The following AFAP1 variants were observed in gnomAD, a reference collection of about 807,000 sequenced individuals.
AFAP1 encodes actin filament-associated protein 1.
AFAP1 carries 75 observed loss-of-function variants against 93.9 expected under a neutral mutation model. The observed-to-expected ratio is 0.80, with a 90% confidence interval of 0.66 to 0.97. The LOEUF is 0.97. Ranked by LOEUF, AFAP1 falls within the 50% of genes least tolerant of loss-of-function variation. AFAP1 has a pLI of 0.00. For synonymous variants in AFAP1, 517 were observed against 430.7 expected (o/e 1.20, Z -2.48); for missense variants, 1,201 against 1,050.8 (o/e 1.14, Z -1.98).
At chr4:7,925,086 G>A (rs1191484709) in intron 1 of AFAP1, among the ~76,000 whole-genome samples, 3 of 151,964 alleles carry the variant, frequency 2.0e-5, no homozygotes, top group Non-Finnish European at 2.9e-5. Flanking sequence ...TGCAAGTGAC[G>A]ACACCGACTC....
intron 1 of AFAP1, among the ~76,000 whole-genome samples, chr4:7,888,133 A>G (rs558763324): frequency 6.6e-6 from 1 of 152,382 alleles, no homozygotes; most frequent in Admixed American, 6.5e-5. Context: ...AGCCCCATAA[A>G]GAACAATTAT....
In AFAP1 at chr4:7,838,653, T is replaced by C. The variant is rs1403234869; in HGVS notation, c.597A>G (p.Gln199=). 6.2e-7 allele frequency: 1 copy of C among 1,614,174 alleles called. No individual in the cohort carries two copies. Among genetic ancestry groups the C allele is most frequent in the Admixed American group, 1.7e-5 (1 of 60,028 alleles). ...TCGGGATGTACGTAATGTTACAGCC[T>C]TGGAGTGGCAGTTCCATCTGAGGCT... The part of the protein sequence containing the change: ...DQQPQMELPL[Q]GCNITYIPKD... The change falls in exon 6 of 18, where the codon CAA becomes CAG. Residue 199 remains glutamine, a synonymous_variant. Transcript: ENST00000420658.
intron 10 of AFAP1, among the ~76,000 whole-genome samples, chr4:7,797,547 T>A (rs6812932): frequency 0.23 from 34,669 of 152,152 alleles, 5,097 homozygotes; most frequent in East Asian, 0.76. Context: ...CTGGGAGCCT[T>A]CTACAGAAAA....
intron 11 of AFAP1, among the ~76,000 whole-genome samples, chr4:7,792,843 C>A (rs1236524545): frequency 3.3e-5 from 5 of 152,202 alleles, no homozygotes; most frequent in Non-Finnish European, 7.3e-5. Flanking sequence ...CCAGCATTTT[C>A]TTTTACTATC....
intron 6 of AFAP1, among the ~76,000 whole-genome samples, chr4:7,820,975 G>T (rs1224276834): frequency 6.6e-6 from 1 of 152,050 alleles, no homozygotes; most frequent in Non-Finnish European, 1.5e-5. Flanking sequence ...AAAATTAGCC[G>T]GGTGTGGTGG....
At chr4:7,834,913 C>G (rs1187718025) in intron 6 of AFAP1, among the ~76,000 whole-genome samples, 1 of 151,080 alleles carries the variant, frequency 6.6e-6, no homozygotes. Context: ...GGACTGCGGG[C>G]AGCCTTAAGG....
At chr4:7,938,179 T>G (rs896149606) in intron 1 of AFAP1, among the ~76,000 whole-genome samples, 1 of 151,672 alleles carries the variant, frequency 6.6e-6, no homozygotes, top group African/African-American at 2.4e-5. Flanking sequence ...AGTGGGGGTC[T>G]GGGGCAGCGG....
chr4:7,782,076 G>A (rs1716828496), intron 12 of AFAP1, among the ~76,000 whole-genome samples: 1 of 152,202 alleles, frequency 6.6e-6, no homozygotes, highest in South Asian at 2.1e-4. Flanking sequence ...GGTGCTCTGG[G>A]TCTACATAAA....
intron 1 of AFAP1, among the ~76,000 whole-genome samples, chr4:7,912,323 T>G (rs1719781616): frequency 6.6e-6 from 1 of 152,198 alleles, no homozygotes; most frequent in Admixed American, 6.5e-5. Flanking sequence ...TGCCCATGAA[T>G]GTGAGTGCTG....
intron 1 of AFAP1, among the ~76,000 whole-genome samples, chr4:7,880,491 G>C (rs984422083): frequency 1.3e-5 from 2 of 152,074 alleles, no homozygotes; most frequent in Admixed American, 6.6e-5. Flanking sequence ...TGTTGGTCAG[G>C]CTGGTCTGGA....
intron 12 of AFAP1, among the ~76,000 whole-genome samples, chr4:7,783,839 C>T (rs1172372246): frequency 6.6e-6 from 1 of 152,146 alleles, no homozygotes; most frequent in African/African-American, 2.4e-5. Flanking sequence ...TGGAGAAACG[C>T]CTTTGAGGAA....
At chr4:7,830,974 T>TA (rs1711542824) in intron 6 of AFAP1, among the ~76,000 whole-genome samples, 1 of 152,080 alleles carries the variant, frequency 6.6e-6, no homozygotes. Context: ...GAGAGAGACT[T>TA]AAATAGGGGA....
At chr4:7,789,202 G>T (rs1717597507) in intron 11 of AFAP1, among the ~76,000 whole-genome samples, 1 of 152,156 alleles carries the variant, frequency 6.6e-6, no homozygotes, top group Non-Finnish European at 1.5e-5. Context: ...TCGGTCTTGT[G>T]CTTGGTGTCT....
chr4:7,881,525 G>A lies in AFAP1; in HGVS notation c.-2-9445C>T, dbSNP rs187031482. 9.9e-5 allele frequency among the ~76,000 whole-genome samples: 15 copies of A among 152,264 alleles called. No homozygotes were observed. In the East Asian group the frequency reaches 2.5e-3, roughly 25 times the overall value. ...GGGCCAGGCGCGGTGGCTCCCACCT[G>A]TAATCCCAACACTTTGGGAGGCCAA... is the stretch of plus-strand genomic sequence containing the variant. On this transcript the variant is annotated intron_variant, in intron 1 of 17. Transcript: ENST00000420658.
chr4:7,877,928 A>G (rs1717608128), intron 1 of AFAP1, among the ~76,000 whole-genome samples: 1 of 152,156 alleles, frequency 6.6e-6, no homozygotes, highest in Admixed American at 6.5e-5. Context: ...ACGCAGGTGC[A>G]GCTCCTGGTG....
In AFAP1 at chr4:7,890,277, GA is replaced by G. The variant is rs1160221085; in HGVS notation, c.-2-18198del. ...AAAGATGCCAAGATAATGCAATGGG[GA>G]AAAAAAACAGTCCTTGGAACAAATG... On this transcript the variant is annotated intron_variant, in intron 1 of 17. Transcript: ENST00000420658. Among the ~76,000 whole-genome samples, 8 of 151,804 alleles carry G rather than the reference GA, an allele frequency of 5.3e-5. No individual in the cohort carries two copies. In the East Asian group the frequency reaches 9.7e-4, roughly 18 times the overall value.
chr4:7,787,659 C>T (rs2148997254), intron 11 of AFAP1, among the ~76,000 whole-genome samples: 1 of 152,308 alleles, frequency 6.6e-6, no homozygotes, highest in East Asian at 1.9e-4. Context: ...AGAGGTGAGG[C>T]CCAACAGTGT....
At chr4:7,938,774 A>C (rs1315106163) in intron 1 of AFAP1, among the ~76,000 whole-genome samples, 1 of 152,118 alleles carries the variant, frequency 6.6e-6, no homozygotes, top group Non-Finnish European at 1.5e-5. Context: ...GAAATCAAGA[A>C]GCTCCGGGCA....
intron 1 of AFAP1, among the ~76,000 whole-genome samples, chr4:7,935,078 A>ATAAT (rs1231714198): frequency 2.0e-5 from 3 of 152,262 alleles, no homozygotes; most frequent in Admixed American, 2.0e-4. Flanking sequence ...CAGACACATT[A>ATAAT]AGACTTCTCT....
Sources: allele counts gnomAD v4.1 joint callset (sites outside exome capture counted in the v4.1 genomes callset), GRCh38; gene constraint gnomAD v4.1.1; transcripts MANE v1.5; gene names NCBI Gene and HGNC (gene_info 2026-07-23, HGNC 2026-07-21).